The following PEX14 variants were observed in gnomAD, a reference collection of about 807,000 sequenced individuals.
PEX14 encodes the protein peroxisomal biogenesis factor 14, also known as peroxisomal membrane protein PEX14.
PEX14 carries 15 observed loss-of-function variants against 49.5 expected under a neutral mutation model. The ratio of observed to expected loss-of-function variants is 0.30; its 90% CI spans 0.20 to 0.47. The LOEUF (loss-of-function observed/expected upper bound fraction) is 0.47. PEX14 is among the 20% of genes least tolerant of loss of function. The pLI, the probability that PEX14 is intolerant of heterozygous loss-of-function variation, is 1.00. For missense variants in PEX14, 398 were observed against 494.8 expected, an observed-to-expected ratio of 0.80 and a Z score of 1.86; for synonymous variants, 210 against 212.7, an observed-to-expected ratio of 0.99 and a Z score of 0.11.
intron 3 of PEX14, among the ~76,000 whole-genome samples, chr1:10,574,421 A>G (rs1424507672): frequency 6.6e-6 from 1 of 152,218 alleles, no homozygotes; most frequent in Non-Finnish European, 1.5e-5. Flanking sequence ...TGGTTGTTAC[A>G]CAAGTATATG....
At chr1:10,570,848 GTT>G (rs70997255) in intron 3 of PEX14, among the ~76,000 whole-genome samples, 5 of 113,906 alleles carry the variant, frequency 4.4e-5, no homozygotes, top group South Asian at 2.8e-4. Flanking sequence ...TGTCAACAGG[GTT>G]TTTTTTTTTT....
chr1:10,571,670 G>T (rs968426341), intron 3 of PEX14, among the ~76,000 whole-genome samples: 5 of 152,020 alleles, frequency 3.3e-5, no homozygotes, highest in African/African-American at 1.2e-4. Flanking sequence ...TTAGCTGGGT[G>T]TGGTGGTGGG....
intron 2 of PEX14, among the ~76,000 whole-genome samples, chr1:10,524,202 AAG>A (rs1161773603): frequency 2.0e-5 from 3 of 151,804 alleles, no homozygotes; most frequent in African/African-American, 4.8e-5. Flanking sequence ...AACAGGCAAG[AAG>A]AGAGAGAGAG....
At chr1:10,625,933 G>T (rs1409985349) in intron 7 of PEX14, among the ~76,000 whole-genome samples, 2 of 152,134 alleles carry the variant, frequency 1.3e-5, no homozygotes, top group Non-Finnish European at 2.9e-5. Context: ...GAGCTGCATG[G>T]GGCCACTGGC....
intron 2 of PEX14, among the ~76,000 whole-genome samples, chr1:10,530,475 C>G (rs1179691726): frequency 1.3e-5 from 2 of 152,268 alleles, no homozygotes; most frequent in East Asian, 3.8e-4. Flanking sequence ...CTCTGCGCTT[C>G]TGCCGCCTGC....
At chr1:10,550,149 G>A (rs1639294935) in intron 3 of PEX14, among the ~76,000 whole-genome samples, 1 of 152,202 alleles carries the variant, frequency 6.6e-6, no homozygotes, top group South Asian at 2.1e-4. Context: ...AGAGAATAAT[G>A]GAGAGGGTGG....
rs113060781 is a variant in PEX14 at position 10,591,814 on chromosome 1, G to C, written c.170-7424G>C. The stretch of plus-strand genomic sequence containing the variant: ...TCTGTCAAGTGGCAGAGGGCAGTAG[G>C]TATGTCAGGCTGCCCATGCTCCCCG... On this transcript the variant is annotated intron_variant, in intron 3 of 8. Transcript: ENST00000356607. 5.7e-3 allele frequency among the ~76,000 whole-genome samples: 871 copies of C among 152,262 alleles called. 7 individuals carry two copies. Among genetic ancestry groups the C allele is most frequent in the South Asian group, 0.013 (62 of 4,820 alleles).
rs541756701 is a variant in PEX14, at chr1:10,542,049, A to G, written c.169+5752A>G. On this transcript the variant is annotated intron_variant, in intron 3 of 8. Coordinates refer to ENST00000356607, the MANE Select transcript of PEX14 (RefSeq NM_004565.3). ...CTGTAACAATACTGCAATGAAAAGG[A>G]AAGTGACAAAATGACATTGGCATGT... Among the ~76,000 whole-genome samples the G allele has an allele frequency of 2.6e-5, 4 of 151,716 alleles. No individual in the cohort carries two copies. In the East Asian group the frequency reaches 7.8e-4, roughly 30 times the overall value.
intron 1 of PEX14, among the ~76,000 whole-genome samples, chr1:10,480,841 TTCTCTC>T (rs35200732): frequency 2.7e-5 from 4 of 148,394 alleles, no homozygotes; most frequent in African/African-American, 5.0e-5. Flanking sequence ...CTCTCTCTCT[TTCTCTC>T]TCTCTCTCTC....
chr1:10,489,054 C>T (rs1201947946), intron 1 of PEX14, among the ~76,000 whole-genome samples: 1 of 152,160 alleles, frequency 6.6e-6, no homozygotes, highest in African/African-American at 2.4e-5. Context: ...GATCTCGGCT[C>T]ACCGCAACCC....
At chr1:10,544,285 A>C (rs895312168) in intron 3 of PEX14, among the ~76,000 whole-genome samples, 1 of 152,198 alleles carries the variant, frequency 6.6e-6, no homozygotes, top group Non-Finnish European at 1.5e-5. Flanking sequence ...CCCATTTTAC[A>C]TAGATGAAGA....
At position 10,495,212 on chromosome 1, in the gene PEX14, G is replaced by T; in HGVS notation, c.37-62G>T. The T allele has an allele frequency of 6.3e-7, 1 of 1,576,914 alleles. No homozygotes were observed. The highest frequency in any genetic ancestry group is 1.1e-5 in the South Asian group (1 of 90,092). On this transcript the variant is annotated intron_variant, in intron 1 of 8. Transcript: ENST00000356607. This position sits in a 1 kb window ranked among gnomAD's most constrained non-coding sequence, Gnocchi z 4.2. ...CATCGTTTGAGAACGGAACATCTTTGGTTTTTTGATGTCCATTGGGTGGCA... is the reference window on the plus strand; with the variant it reads ...CATCGTTTGAGAACGGAACATCTTTTGTTTTTTGATGTCCATTGGGTGGCA...
chr1:10,541,271 A>G (rs978250132), intron 3 of PEX14, among the ~76,000 whole-genome samples: 1 of 152,224 alleles, frequency 6.6e-6, no homozygotes, highest in African/African-American at 2.4e-5. Flanking sequence ...GTCCTAGACA[A>G]ACAGGTCACC....
intron 2 of PEX14, among the ~76,000 whole-genome samples, chr1:10,505,340 C>T (rs534568391): frequency 1.9e-4 from 29 of 152,064 alleles, no homozygotes; most frequent in Non-Finnish European, 3.2e-4. Context: ...ACATGTGGCT[C>T]GAGCCTGTAG....
intron 4 of PEX14, among the ~76,000 whole-genome samples, chr1:10,615,518 C>T (rs1325801569): frequency 6.6e-6 from 1 of 152,214 alleles, no homozygotes; most frequent in East Asian, 1.9e-4. Context: ...ATTGTGTGGG[C>T]GCAGCCGTGG....
intron 2 of PEX14, among the ~76,000 whole-genome samples, chr1:10,532,182 T>A: frequency 6.6e-6 from 1 of 152,206 alleles, no homozygotes; most frequent in East Asian, 1.9e-4. Context: ...CCCCGCTTTT[T>A]TCCAAGTTGC....
chr1:10,571,315 G>A (rs1304015609), intron 3 of PEX14, among the ~76,000 whole-genome samples: 3 of 132,914 alleles, frequency 2.3e-5, no homozygotes, highest in African/African-American at 8.7e-5. Context: ...GTGCCTTTAA[G>A]CTTTTCTGTA....
At chr1:10,624,115 G>A (rs1286596337) in intron 6 of PEX14, among the ~76,000 whole-genome samples, 1 of 152,104 alleles carries the variant, frequency 6.6e-6, no homozygotes. Context: ...TGTTGACCAT[G>A]GACAACTACA....
chr1:10,509,575 G>A (rs1180584441), intron 2 of PEX14, among the ~76,000 whole-genome samples: 1 of 152,060 alleles, frequency 6.6e-6, no homozygotes, highest in Non-Finnish European at 1.5e-5. Flanking sequence ...CTCTCTGCTT[G>A]TCTTCTGTGA....
Sources: gnomAD v4.1 joint callset for allele counts (sites outside exome capture counted in the v4.1 genomes callset) on GRCh38, gnomAD v4.1.1 for gene constraint, Gnocchi (gnomAD v3.1) non-coding constraint, MANE v1.5 for transcripts, NCBI Gene and HGNC (gene_info 2026-07-23, HGNC 2026-07-21) for gene names.